The following PCLO variants were observed in gnomAD, a reference collection of about 807,000 sequenced individuals.
PCLO encodes piccolo presynaptic cytomatrix protein.
A neutral mutation model predicts 427.5 loss-of-function variants in PCLO; 82 were observed. That is an observed-to-expected ratio of 0.19 (90% CI 0.16 to 0.23). PCLO has a LOEUF of 0.23. PCLO is among the 10% of genes least tolerant of loss of function. The probability of loss-of-function intolerance (pLI) is 1.00; values close to 1 mark genes in which losing one functional copy is unlikely to be tolerated. For synonymous variants in PCLO, 2,357 were observed against 2,155.4 expected (o/e 1.09, Z -2.59); for missense variants, 6,239 against 6,115.9 (o/e 1.02, Z -0.67).
In PCLO at chr7:82,831,549, C is replaced by T. The variant is rs888593064; in HGVS notation, c.14250-3583G>A. ...CTAGGGAAATTCTGAATAGTACATC[C>T]GAAGTGAGTGTTGTGGAACAATTAC... On this transcript the variant is annotated intron_variant, in intron 16 of 24. Coordinates refer to ENST00000333891, the MANE Select transcript of PCLO (RefSeq NM_033026.6). 3.9e-5 allele frequency among the ~76,000 whole-genome samples: 6 copies of T among 152,152 alleles called. No homozygotes were observed. The East Asian group carries it at 1.2e-3, about 29-fold the overall frequency.
chr7:82,825,852 G>GTA (rs985634448), intron 18 of PCLO, among the ~76,000 whole-genome samples: 18 of 147,066 alleles, frequency 1.2e-4, no homozygotes, highest in Admixed American at 4.8e-4. Flanking sequence ...ATGTAAATGT[G>GTA]TATATATATA....
intron 6 of PCLO, among the ~76,000 whole-genome samples, chr7:82,933,698 T>C (rs554344942): frequency 6.6e-6 from 1 of 152,100 alleles, no homozygotes; most frequent in Non-Finnish European, 1.5e-5. Flanking sequence ...AATAAAAACA[T>C]GTAATGACTT....
chr7:82,928,782 T>C (rs557399917), intron 6 of PCLO, among the ~76,000 whole-genome samples: 54 of 152,242 alleles, frequency 3.5e-4, no homozygotes, highest in Admixed American at 2.0e-3. Flanking sequence ...CAAGATGTAA[T>C]TGCTCATCCA....
Position 82,955,427 on chromosome 7 carries a change from T to A in PCLO, c.5526A>T (p.Leu1842Phe), listed in dbSNP as rs2115564979. 7 of 1,613,896 alleles carry A rather than the reference T, an allele frequency of 4.3e-6. No individual in the cohort carries two copies. Among genetic ancestry groups the A allele is most frequent in the African/African-American group, 1.3e-5 (1 of 75,054 alleles). Residue 1842 changes from leucine (L) to phenylalanine (F), a missense_variant, in exon 5 of 25, where the codon TTA becomes TTT. Leu to Phe is a conservative substitution (Grantham distance 22). Coordinates refer to ENST00000333891, the MANE Select transcript of PCLO (RefSeq NM_033026.6). The part of the protein sequence containing the change: ...PIEDASPTEE[L>F]RQAAEMEELH... Reference sequence around the variant, plus strand: ...GCTCCTCCATTTCTGCAGCCTGACGTAACTCTTCTGTCGGAGATGCATCTT... The same window carrying A: ...GCTCCTCCATTTCTGCAGCCTGACGAAACTCTTCTGTCGGAGATGCATCTT...
chr7:82,784,679 T>C (rs1334429409), intron 22 of PCLO, among the ~76,000 whole-genome samples: 1 of 152,194 alleles, frequency 6.6e-6, no homozygotes, highest in Non-Finnish European at 1.5e-5. Flanking sequence ...CAATTCAACT[T>C]CTATGTATTT....
chr7:82,838,482 C>T (rs1010007963), intron 14 of PCLO, 140 bp from the exon 15 acceptor site: 1 of 551,826 alleles, frequency 1.8e-6, no homozygotes, highest in Non-Finnish European at 3.1e-6. Context: ...ACCAAACAGA[C>T]CAGTTAATGT....
At chr7:83,142,617 C>A (rs971224842) in intron 2 of PCLO, among the ~76,000 whole-genome samples, 2 of 152,008 alleles carry the variant, frequency 1.3e-5, no homozygotes, top group South Asian at 4.2e-4. Context: ...TAGTGATTTA[C>A]AGTATTTTCC....
At chr7:82,967,305 A>G (rs1368314122) in intron 3 of PCLO, among the ~76,000 whole-genome samples, 1 of 148,896 alleles carries the variant, frequency 6.7e-6, no homozygotes, top group Non-Finnish European at 1.5e-5. Context: ...CCTCCTGAGT[A>G]CCTGGGATTC....
chr7:82,803,899 A>G (rs1338199107), intron 21 of PCLO, among the ~76,000 whole-genome samples: 1 of 152,166 alleles, frequency 6.6e-6, no homozygotes. Flanking sequence ...TACAAGAGAA[A>G]CAGGAAAATG....
rs756739061 is a variant in PCLO at position 82,841,504 on chromosome 7, G to A, written c.14052C>T (p.Thr4684=). Reference sequence around the variant, plus strand: ...GATGAGAGACAACCTTTGTTCCATCGGTAGGCTGTAATATTAAAGAACATA... The same window carrying A: ...GATGAGAGACAACCTTTGTTCCATCAGTAGGCTGTAATATTAAAGAACATA... ...SKKKHGSSKP[T]DGTKVVSHPI... is the part of the protein sequence containing the mutation. Residue 4684 remains threonine (T), a synonymous_variant, in exon 14 of 25, where the codon ACC becomes ACT. Transcript: ENST00000333891. 1.5e-5 allele frequency: 24 copies of A among 1,572,292 alleles called. No homozygotes were observed. Among genetic ancestry groups the A allele is most frequent in the Admixed American group, 5.0e-5 (3 of 59,566 alleles).
intron 3 of PCLO, among the ~76,000 whole-genome samples, chr7:82,993,603 G>T (rs1796428135): frequency 6.6e-6 from 1 of 151,254 alleles, no homozygotes; most frequent in South Asian, 2.1e-4. Context: ...TTAAATTAAG[G>T]CATGTATATT....
At chr7:82,949,375 A>C (rs2116414930) in intron 6 of PCLO, 101 bp downstream of exon 6, 1 of 817,586 alleles carries the variant, frequency 1.2e-6, no homozygotes, top group Non-Finnish European at 2.0e-6. Context: ...ATCTAGTATT[A>C]GGTTTCTAAG....
In PCLO at chr7:82,756,461, G is replaced by A. The variant is rs181002947; in HGVS notation, c.*2114C>T. 6.6e-6 allele frequency: 1 copy of A among 151,864 alleles called. No homozygotes were observed. The highest frequency in any genetic ancestry group is 6.6e-5 in the Admixed American group (1 of 15,208). 9.4% of individuals were successfully genotyped at this position (151,864 alleles called of 1,614,324 possible). On this transcript the variant is annotated 3_prime_UTR_variant, in exon 25 of 25. Transcript: ENST00000333891. ...ATGACATTGTATTGTCAGTGGAGGG[G>A]GATTAAAAAATAGAGGGAAGAAAAG...
At chr7:83,070,759 C>G (rs979486013) in intron 3 of PCLO, among the ~76,000 whole-genome samples, 4 of 152,126 alleles carry the variant, frequency 2.6e-5, no homozygotes, top group South Asian at 2.1e-4. Flanking sequence ...ACAGTGACAA[C>G]AGAAACTGAT....
Position 83,155,517 on chromosome 7 carries a change from T to TGAGCTGGAGGCTTAGCAAGACCAAGAG in PCLO, c.1123_1124insCTCTTGGTCTTGCTAAGCCTCCAGCTC (p.Gln374_Gln375insProLeuGlyLeuAlaLysProProAla). On this transcript the variant is annotated inframe_insertion, in exon 2 of 25. Transcript: ENST00000333891. ...CGATGAAGGCTTCTCTGACCCAGTC[T>TGAGCTGGAGGCTTAGCAAGACCAAGAG]GCTGAGCTGGAGGCTTAGCAGGACC... 6.2e-7 allele frequency: 1 copy of TGAGCTGGAGGCTTAGCAAGACCAAGAG among 1,609,456 alleles called. No individual in the cohort carries two copies.
chr7:83,150,274 C>T (rs1446183738), intron 2 of PCLO, among the ~76,000 whole-genome samples: 1 of 152,132 alleles, frequency 6.6e-6, no homozygotes, highest in Non-Finnish European at 1.5e-5. Flanking sequence ...AAAATGCATG[C>T]CCAAAGAGAG....
chr7:83,082,459 G>C (rs1029197603), intron 3 of PCLO, among the ~76,000 whole-genome samples: 7 of 151,662 alleles, frequency 4.6e-5, no homozygotes, highest in African/African-American at 1.7e-4. Context: ...AAAAATATCA[G>C]AGATAGAGAG....
chr7:83,144,514 C>T (rs1791944355), intron 2 of PCLO, among the ~76,000 whole-genome samples: 1 of 152,076 alleles, frequency 6.6e-6, no homozygotes, highest in African/African-American at 2.4e-5. Context: ...TTTTAGCTCT[C>T]TGTGAATAGA....
rs372899588 is a variant in PCLO, at chr7:82,956,789, A to C, written c.4164T>G (p.Ile1388Met). ...PSLIPTDEKDILKGLKKDSFS... is the reference protein window; with the variant it reads ...PSLIPTDEKDMLKGLKKDSFS... ...AAGAGTCCTTTTTGAGTCCCTTGAGAATATCCTTTTCATCAGTTGGAATAA... is the reference window on the plus strand; with the variant it reads ...AAGAGTCCTTTTTGAGTCCCTTGAGCATATCCTTTTCATCAGTTGGAATAA... Residue 1388 changes from isoleucine to methionine, a missense_variant, in exon 5 of 25, where the codon ATT (isoleucine) becomes ATG (methionine). Around this residue, in one of 5 missense-constraint regions of PCLO, gnomAD observed 4,677 missense variants for 4,468.4 expected, o/e 1.05. Transcript: ENST00000333891. 1.9e-6 allele frequency: 3 copies of C among 1,613,688 alleles called. No individual in the cohort carries two copies. The highest frequency in any genetic ancestry group is 1.7e-6 in the Non-Finnish European group (2 of 1,179,778).
Sources: allele counts gnomAD v4.1 joint callset (sites outside exome capture counted in the v4.1 genomes callset), GRCh38; gene constraint gnomAD v4.1.1; regional missense constraint gnomAD v4.1.1; transcripts MANE v1.5; gene names NCBI Gene and HGNC (gene_info 2026-07-23, HGNC 2026-07-21).